The following RORB variants were observed in gnomAD, a reference collection of about 807,000 sequenced individuals.
RORB encodes RAR related orphan receptor B, also known as nuclear receptor ROR-beta.
A neutral mutation model predicts 59.1 loss-of-function variants in RORB; 6 were observed. The ratio of observed to expected loss-of-function variants is 0.10; its 90% CI spans 0.06 to 0.20. The LOEUF (loss-of-function observed/expected upper bound fraction) is 0.20, where lower values mean the gene tolerates loss of function less well. Ranked by LOEUF, RORB falls within the 10% of genes least tolerant of loss-of-function variation. The pLI is 1.00. For synonymous variants in RORB, 215 were observed against 204.5 expected (o/e 1.05, Z -0.44); for missense variants, 320 against 560.5 (o/e 0.57, Z 4.33).
chr9:74,659,785 T>G (rs11144045), intron 4 of RORB, among the ~76,000 whole-genome samples: 5,860 of 152,222 alleles, frequency 0.038, 410 homozygotes, highest in East Asian at 0.33. Flanking sequence ...CTTTCATGTC[T>G]CCAAACCCAA....
At chr9:74,590,081 G>C (rs1822864490) in intron 1 of RORB, among the ~76,000 whole-genome samples, 1 of 152,164 alleles carries the variant, frequency 6.6e-6, no homozygotes, top group South Asian at 2.1e-4. Flanking sequence ...CCTCAATGAG[G>C]CAATGTATAG....
At chr9:74,563,653 G>T (rs750921706) in intron 1 of RORB, among the ~76,000 whole-genome samples, 1 of 151,960 alleles carries the variant, frequency 6.6e-6, no homozygotes, top group Non-Finnish European at 1.5e-5. Context: ...GATGTGTCTC[G>T]AAGAGACTTG....
chr9:74,662,677 C>G lies in RORB; in HGVS notation c.892+71C>G. ...GTCAGCCCTTAGCACTGTGTTGGTT[C>G]TAGAAAATCCTCCTTCCGATATGCA... On this transcript the variant is annotated intron_variant, in intron 6 of 9. Transcript: ENST00000376896. 4 of 1,501,018 alleles carry G rather than the reference C, an allele frequency of 2.7e-6. No individual in the cohort carries two copies. In the Admixed American group the frequency reaches 6.8e-5, roughly 26 times the overall value. The allele number at this position is 1,501,018 out of a possible 1,614,324, so 93.0% of individuals were successfully genotyped here. A position where few individuals can be genotyped will look rare whatever the true frequency, so the allele number is the denominator to read the frequency against.
At chr9:74,661,279 T>C (rs893561814) in intron 5 of RORB, among the ~76,000 whole-genome samples, 1 of 152,194 alleles carries the variant, frequency 6.6e-6, no homozygotes, top group African/African-American at 2.4e-5. Context: ...TAAGAGGAAT[T>C]TATTGTTGTT....
At chr9:74,596,383 G>A (rs1353520049) in intron 1 of RORB, among the ~76,000 whole-genome samples, 2 of 152,178 alleles carry the variant, frequency 1.3e-5, no homozygotes, top group African/African-American at 2.4e-5. Context: ...TTCCAGTTCT[G>A]ATAACTCAGG....
intron 1 of RORB, among the ~76,000 whole-genome samples, chr9:74,505,757 T>C (rs1216360851): frequency 6.6e-6 from 1 of 152,090 alleles, no homozygotes; most frequent in Non-Finnish European, 1.5e-5. Flanking sequence ...ATATAGTTGG[T>C]GTTATGTGAA....
At chr9:74,664,095 A>G (rs1449725948) in intron 6 of RORB, among the ~76,000 whole-genome samples, 2 of 152,192 alleles carry the variant, frequency 1.3e-5, no homozygotes, top group Non-Finnish European at 2.9e-5. Flanking sequence ...TTGAAAAGTG[A>G]AATCTGCCAC....
intron 1 of RORB, among the ~76,000 whole-genome samples, chr9:74,590,780 T>A (rs1465614247): frequency 6.6e-6 from 1 of 151,682 alleles, no homozygotes; most frequent in Non-Finnish European, 1.5e-5. Flanking sequence ...TTTTGTTTTG[T>A]TTTGTTTTGT....
intron 1 of RORB, among the ~76,000 whole-genome samples, chr9:74,612,546 T>C (rs1314018870): frequency 6.6e-6 from 1 of 152,186 alleles, no homozygotes; most frequent in Admixed American, 6.5e-5. Flanking sequence ...TCTCCAACTC[T>C]GCCCTTTGTT....
chr9:74,556,678 A>G (rs910217293), intron 1 of RORB, among the ~76,000 whole-genome samples: 2 of 143,794 alleles, frequency 1.4e-5, no homozygotes, highest in African/African-American at 4.9e-5. Context: ...GGCAACAACA[A>G]CAAAAAAAAT....
At chr9:74,560,489 G>A (rs529167678) in intron 1 of RORB, among the ~76,000 whole-genome samples, 1 of 152,052 alleles carries the variant, frequency 6.6e-6, no homozygotes, top group Non-Finnish European at 1.5e-5. Flanking sequence ...CAGGGAAAAT[G>A]GCATGAGCAG....
rs779927558 is a variant in RORB at position 74,661,636 on chromosome 9, C to CTTTT, written c.760-815_760-812dup. Among the ~76,000 whole-genome samples, 90 of 79,608 alleles carry CTTTT rather than the reference C, an allele frequency of 1.1e-3. 4 individuals carry two copies. Among genetic ancestry groups the CTTTT allele is most frequent in the African/African-American group, 2.6e-3 (53 of 20,766 alleles). The allele number at this position is 79,608 out of a possible 152,430, so 52.2% of individuals were successfully genotyped here. A position where few individuals can be genotyped will look rare whatever the true frequency, so the allele number is the denominator to read the frequency against. On this transcript the variant is annotated intron_variant, in intron 5 of 9. Coordinates refer to ENST00000376896, the MANE Select transcript of RORB (RefSeq NM_006914.4). ...CCTTTTTCCTCGGAATTCTTTTTTC[C>CTTTT]TTTTTTTTTTTTTTTTTTTTTTTTT... is the stretch of plus-strand genomic sequence containing the variant.
chr9:74,508,608 A>G (rs543821293), intron 1 of RORB, among the ~76,000 whole-genome samples: 3 of 152,080 alleles, frequency 2.0e-5, no homozygotes, highest in Admixed American at 2.0e-4. Flanking sequence ...TGTAAATGTA[A>G]CTCAGCGAAT....
intron 5 of RORB, 142 bp from the exon 6 acceptor site, chr9:74,662,332 C>G (rs1276663414): frequency 9.2e-6 from 7 of 760,176 alleles, no homozygotes; most frequent in African/African-American, 3.5e-5. Flanking sequence ...AAAAGTAGTG[C>G]CCTCCTTTTT....
At chr9:74,531,068 A>G (rs376325682) in intron 1 of RORB, among the ~76,000 whole-genome samples, 1 of 152,128 alleles carries the variant, frequency 6.6e-6, no homozygotes, top group Non-Finnish European at 1.5e-5. Flanking sequence ...ATCCTGCAAT[A>G]TAGTACTCCC....
chr9:74,546,179 G>T (rs963717680), intron 1 of RORB, among the ~76,000 whole-genome samples: 2 of 152,174 alleles, frequency 1.3e-5, no homozygotes, highest in African/African-American at 4.8e-5. Context: ...AGCAAAAAAT[G>T]ATTTGATTTT....
chr9:74,663,302 A>G (rs1411886293), intron 6 of RORB, among the ~76,000 whole-genome samples: 3 of 152,220 alleles, frequency 2.0e-5, no homozygotes, highest in Admixed American at 6.5e-5. Context: ...AAAATAACAT[A>G]CATATGTGTT....
At chr9:74,502,667 A>G (rs2118015880) in intron 1 of RORB, among the ~76,000 whole-genome samples, 1 of 152,208 alleles carries the variant, frequency 6.6e-6, no homozygotes, top group South Asian at 2.1e-4. Context: ...GTCTGCTGGG[A>G]TTCTGCAAAT....
intron 1 of RORB, among the ~76,000 whole-genome samples, chr9:74,545,093 G>A (rs1324222857): frequency 6.7e-6 from 1 of 148,286 alleles, no homozygotes; most frequent in East Asian, 2.0e-4. Context: ...TGTTCACTGC[G>A]AGCAGGTTTT....
Sources: allele counts gnomAD v4.1 joint callset (sites outside exome capture counted in the v4.1 genomes callset), GRCh38; gene constraint gnomAD v4.1.1; transcripts MANE v1.5; gene names NCBI Gene and HGNC (gene_info 2026-07-23, HGNC 2026-07-21).